Variants in SPATA13 observed in about 807,000 individuals in gnomAD.
SPATA13 encodes spermatogenesis associated 13, also known as spermatogenesis-associated protein 13.
SPATA13 carries 50 observed loss-of-function variants against 104.0 expected under a neutral mutation model. The ratio of observed to expected loss-of-function variants is 0.48; its 90% CI spans 0.38 to 0.61. SPATA13 has a LOEUF of 0.61. Among genes scored for constraint, SPATA13 ranks in the 20% least tolerant of loss-of-function variants. The pLI is 0.00. For synonymous variants in SPATA13, 606 were observed against 667.5 expected (o/e 0.91, Z 1.42); for missense variants, 1,524 against 1,690.6 (o/e 0.90, Z 1.73).
chr13:24,160,206 G>C (rs1483778509), upstream of SPATA13, among the ~76,000 whole-genome samples: 1 of 152,212 alleles, frequency 6.6e-6, no homozygotes, highest in Non-Finnish European at 1.5e-5. Context: ...TTCCCGCCCT[G>C]GGGGGTGGGG....
At position 24,223,163 on chromosome 13, in the gene SPATA13, C is replaced by T. The variant is rs1566158424; in HGVS notation, c.234C>T (p.Thr78=). The T allele has an allele frequency of 6.4e-7, 1 of 1,551,740 alleles. No individual in the cohort carries two copies. Among genetic ancestry groups the T allele is most frequent in the East Asian group, 2.4e-5 (1 of 40,926 alleles). Residue 78 remains threonine (T), a synonymous_variant, in exon 2 of 13, where the codon ACC becomes ACT. Coordinates refer to ENST00000382108, the MANE Select transcript of SPATA13 (RefSeq NM_001166271.3). The stretch of plus-strand genomic sequence containing the variant: ...CCAAGCTTGTGCGCCTCTTTTCCAC[C>T]AGTCGGAAGAGGACGGGTGCCCACC... The part of the protein sequence containing the change: ...SPAKLVRLFS[T]SRKRTGAHPE...
At chr13:24,180,403 A>G (rs1296014024) in intron 1 of SPATA13, among the ~76,000 whole-genome samples, 2 of 152,180 alleles carry the variant, frequency 1.3e-5, no homozygotes, top group Non-Finnish European at 2.9e-5. Context: ...GTGGCTTTAT[A>G]GTAAGCTTTG....
intron 2 of SPATA13, among the ~76,000 whole-genome samples, chr13:24,242,277 C>T (rs1376805914): frequency 6.6e-6 from 1 of 152,034 alleles, no homozygotes; most frequent in Admixed American, 6.6e-5. Flanking sequence ...GAGTCCAAGC[C>T]GGATGCATGC....
intron 3 of SPATA13, chr13:24,123,329 A>C (rs1881101942): frequency 1.4e-6 from 2 of 1,391,806 alleles, no homozygotes; most frequent in Non-Finnish European, 2.0e-6. Flanking sequence ...GGTTCTGATC[A>C]CTTTCGAACT....
At chr13:24,130,673 A>G (rs1881365688) in intron 3 of SPATA13, among the ~76,000 whole-genome samples, 1 of 152,232 alleles carries the variant, frequency 6.6e-6, no homozygotes. Context: ...TGCTGATAAC[A>G]TGCTGACGGT....
intron 2 of SPATA13, among the ~76,000 whole-genome samples, chr13:23,987,500 T>C (rs1875208048): frequency 6.6e-6 from 1 of 152,216 alleles, no homozygotes; most frequent in African/African-American, 2.4e-5. Context: ...TTTGCAGCCT[T>C]GTTTATATTT....
intron 3 of SPATA13, among the ~76,000 whole-genome samples, chr13:24,065,840 T>A (rs558928813): frequency 6.6e-6 from 1 of 152,338 alleles, no homozygotes; most frequent in South Asian, 2.1e-4. Context: ...TATTTCTAAG[T>A]TCTAAAGCAT....
intron 1 of SPATA13, among the ~76,000 whole-genome samples, chr13:24,176,220 T>C (rs545589329): frequency 1.3e-5 from 2 of 152,256 alleles, no homozygotes; most frequent in Admixed American, 6.5e-5. Flanking sequence ...AAGTTACTTA[T>C]GCCTGTCTTT....
intron 2 of SPATA13, among the ~76,000 whole-genome samples, chr13:24,007,419 G>T (rs1198820736): frequency 6.6e-6 from 1 of 152,184 alleles, no homozygotes; most frequent in Admixed American, 6.5e-5. Context: ...CTGCACCAGG[G>T]ACAAGCTGGG....
At chr13:24,178,628 T>C (rs1028695) in intron 1 of SPATA13, among the ~76,000 whole-genome samples, 116,931 of 151,972 alleles carry the variant, frequency 0.77, 47,708 homozygotes, top group East Asian at 0.92. Context: ...GTGAACCAAG[T>C]AGACCCAGTC....
chr13:24,237,827 A>G (rs1268030977), intron 2 of SPATA13, among the ~76,000 whole-genome samples: 1 of 149,506 alleles, frequency 6.7e-6, no homozygotes, highest in East Asian at 1.9e-4. Flanking sequence ...TCAAAGTAGT[A>G]GACATTATAT....
chr13:24,187,680 T>C (rs1869236405), intron 1 of SPATA13, among the ~76,000 whole-genome samples: 1 of 152,328 alleles, frequency 6.6e-6, no homozygotes, highest in East Asian at 1.9e-4. Flanking sequence ...TTGATGTTAC[T>C]ATTGTAATTG....
At chr13:24,142,263 C>T (rs994328528) in intron 3 of SPATA13, among the ~76,000 whole-genome samples, 10 of 151,852 alleles carry the variant, frequency 6.6e-5, no homozygotes, top group Non-Finnish European at 1.2e-4. Flanking sequence ...CAAAGACTAT[C>T]TACTAGTCTA....
chr13:24,224,158 T>A lies in SPATA13; in HGVS notation c.1229T>A (p.Phe410Tyr). Reference sequence around the variant, plus strand: ...CACCTAGACGCTGACACTGCCGTATTTCCTCTTGAAACCAAAAGTTCCTGG... The same window carrying A: ...CACCTAGACGCTGACACTGCCGTATATCCTCTTGAAACCAAAAGTTCCTGG... The part of the protein sequence containing the change: ...GPHLDADTAV[F>Y]PLETKSSWAV... The change falls in exon 2 of 13, where the codon TTT (phenylalanine) becomes TAT (tyrosine). Residue 410 changes from phenylalanine to tyrosine, a missense_variant. Coordinates refer to ENST00000382108, the MANE Select transcript of SPATA13 (RefSeq NM_001166271.3). The A allele has an allele frequency of 6.4e-7, 1 of 1,551,732 alleles. No homozygotes were observed. Among genetic ancestry groups the A allele is most frequent in the Non-Finnish European group, 8.7e-7 (1 of 1,147,006 alleles).
At chr13:24,213,955 C>T (rs985937377) in intron 1 of SPATA13, among the ~76,000 whole-genome samples, 1 of 152,200 alleles carries the variant, frequency 6.6e-6, no homozygotes, top group African/African-American at 2.4e-5. Context: ...GATCCATACT[C>T]ATGGAGAAAA....
chr13:24,230,057 T>A (rs1242964628), intron 2 of SPATA13, among the ~76,000 whole-genome samples: 2 of 152,164 alleles, frequency 1.3e-5, no homozygotes, highest in Non-Finnish European at 2.9e-5. Flanking sequence ...GACAGGGGCA[T>A]TTCAGTGAGG....
chr13:24,217,841 C>T (rs1174696305), intron 1 of SPATA13, among the ~76,000 whole-genome samples: 6 of 152,142 alleles, frequency 3.9e-5, no homozygotes, highest in Admixed American at 6.5e-5. Flanking sequence ...AGCTGCTGCA[C>T]GTGCCCACAA....
chr13:23,980,883 C>T (rs528454608), intron 1 of SPATA13, among the ~76,000 whole-genome samples: 33 of 152,134 alleles, frequency 2.2e-4, no homozygotes, highest in Non-Finnish European at 4.6e-4. Flanking sequence ...TGAGCCACTG[C>T]GCCTGGCCAA....
chr13:24,055,414 T>C (rs1566087502), intron 3 of SPATA13, among the ~76,000 whole-genome samples: 1 of 152,232 alleles, frequency 6.6e-6, no homozygotes, highest in Non-Finnish European at 1.5e-5. Flanking sequence ...TTAATTTCTG[T>C]CTGCCTAGGG....
Sources: allele counts gnomAD v4.1 joint callset (sites outside exome capture counted in the v4.1 genomes callset), GRCh38; gene constraint gnomAD v4.1.1; transcripts MANE v1.5; gene names NCBI Gene and HGNC (gene_info 2026-07-23, HGNC 2026-07-21).